Variants in ACTN4 observed in about 807,000 individuals in gnomAD.
ACTN4 encodes the protein alpha-actinin-4.
Under a neutral mutation model 114.2 loss-of-function variants are expected in ACTN4, and 18 were observed. The ratio of observed to expected loss-of-function variants is 0.16; its 90% CI spans 0.11 to 0.23. The LOEUF (loss-of-function observed/expected upper bound fraction) is 0.23, where lower values mean the gene tolerates loss of function less well. Among genes scored for constraint, ACTN4 ranks in the 10% least tolerant of loss-of-function variants. ACTN4 has a pLI of 1.00. For missense variants in ACTN4, 722 were observed against 1,262.9 expected (o/e 0.57, Z 6.49); for synonymous variants, 515 against 506.3 (o/e 1.02, Z -0.23).
intron 9 of ACTN4, among the ~76,000 whole-genome samples, chr19:38,716,107 G>A (rs935123800): frequency 2.0e-5 from 3 of 152,088 alleles, no homozygotes; most frequent in African/African-American, 7.2e-5. Context: ...GTTTCACCAT[G>A]TTGGTCAGGC....
intron 3 of ACTN4, among the ~76,000 whole-genome samples, chr19:38,702,412 C>T (rs865832333): frequency 3.9e-5 from 6 of 152,280 alleles, no homozygotes; most frequent in Middle Eastern, 6.8e-3. Flanking sequence ...ATTGGCTTCC[C>T]GTGGGGGTGA....
intron 9 of ACTN4, among the ~76,000 whole-genome samples, chr19:38,715,684 T>C (rs1968815584): frequency 6.6e-6 from 1 of 152,202 alleles, no homozygotes; most frequent in Admixed American, 6.5e-5. Flanking sequence ...CACTACCATC[T>C]GTTACCACCA....
chr19:38,666,169 G>GC (rs758408415), intron 1 of ACTN4, among the ~76,000 whole-genome samples: 116 of 149,266 alleles, frequency 7.8e-4, no homozygotes, highest in Admixed American at 1.4e-3. Context: ...TTCCTCCCGC[G>GC]CCCCCCCCTT....
chr19:38,664,800 G>A (rs1276876963), intron 1 of ACTN4, among the ~76,000 whole-genome samples: 2 of 152,150 alleles, frequency 1.3e-5, no homozygotes, highest in Non-Finnish European at 2.9e-5. Context: ...CCTCTTTTTT[G>A]AAAGGCATAG....
In ACTN4 at chr19:38,730,188, T is replaced by C. The variant is rs1969464584; in HGVS notation, c.*756T>C. The C allele has an allele frequency of 1.3e-5, 2 of 156,786 alleles. No homozygotes were observed. Among genetic ancestry groups the C allele is most frequent in the Non-Finnish European group, 2.8e-5 (2 of 70,722 alleles). The allele number at this position is 156,786 out of a possible 1,614,324, so 9.7% of individuals were successfully genotyped here. On this transcript the variant is annotated 3_prime_UTR_variant, in exon 21 of 21. Transcript: ENST00000252699. ...TATAAAAAAGAAAGAATTAAAAACT[T>C]TCAGAGAATTACTATTTACTTTATT...
intron 1 of ACTN4, among the ~76,000 whole-genome samples, chr19:38,670,915 C>T (rs1031017809): frequency 4.0e-5 from 6 of 149,192 alleles, no homozygotes; most frequent in Admixed American, 1.3e-4. Context: ...GAGCAATACT[C>T]CAACTTAAAA....
chr19:38,685,719 A>T (rs1967721242), intron 1 of ACTN4, among the ~76,000 whole-genome samples: 1 of 152,066 alleles, frequency 6.6e-6, no homozygotes, highest in Non-Finnish European at 1.5e-5. Flanking sequence ...AGATTTCCAG[A>T]CCAAGCCAGC....
chr19:38,673,535 AC>A (rs1967223763), intron 1 of ACTN4, among the ~76,000 whole-genome samples: 8 of 52,140 alleles, frequency 1.5e-4, no homozygotes, highest in East Asian at 6.1e-4. Context: ...ATTCATATAT[AC>A]TTATATATAT....
intron 1 of ACTN4, 137 bp from the exon 2 acceptor site, chr19:38,700,463 A>G: frequency 1.3e-6 from 1 of 744,662 alleles, no homozygotes; most frequent in Non-Finnish European, 2.4e-6. Context: ...TGTATCGGCC[A>G]TGTACGGTGT....
At position 38,661,011 on chromosome 19, in the gene ACTN4, G is replaced by A. The variant is rs943263332; in HGVS notation, c.162+13104G>A. ...AGAACCAAGAGAGCACCAGAGGAACGCGCTTCCAACAGAGAAAACCAAGCA... is the reference window on the plus strand; with the variant it reads ...AGAACCAAGAGAGCACCAGAGGAACACGCTTCCAACAGAGAAAACCAAGCA... On this transcript the variant is annotated intron_variant, in intron 1 of 20. Transcript: ENST00000252699. Among the ~76,000 whole-genome samples, 7 of 152,142 alleles carry A rather than the reference G, an allele frequency of 4.6e-5. No homozygotes were observed. In the South Asian group the frequency reaches 6.2e-4, roughly 14 times the overall value.
intron 17 of ACTN4, 138 bp downstream of exon 17, chr19:38,726,041 C>T: frequency 2.4e-6 from 3 of 1,240,200 alleles, no homozygotes; most frequent in Non-Finnish European, 3.4e-6. Flanking sequence ...AAGAGACCAG[C>T]ACTTTGGGAG....
At chr19:38,694,883 G>C (rs1968042045) in intron 1 of ACTN4, among the ~76,000 whole-genome samples, 1 of 151,990 alleles carries the variant, frequency 6.6e-6, no homozygotes, top group South Asian at 2.1e-4. Flanking sequence ...ATTTTGCGGG[G>C]GGGCGGGTTG....
At chr19:38,667,937 T>A (rs1446047773) in intron 1 of ACTN4, among the ~76,000 whole-genome samples, 2 of 152,194 alleles carry the variant, frequency 1.3e-5, no homozygotes, top group African/African-American at 4.8e-5. Flanking sequence ...AAGGCATTAA[T>A]GCAAAATATG....
rs1377220399 is a variant in ACTN4, at chr19:38,673,506, TGA to T, written c.162+25600_162+25601del. On this transcript the variant is annotated intron_variant, in intron 1 of 20. Transcript: ENST00000252699. Reference sequence around the variant, plus strand: ...ATATATTCATATATATTTATATATATGAATATATATTTATATATATTCATATA... The same window carrying T: ...ATATATTCATATATATTTATATATATATATATATTTATATATATTCATATA... Among the ~76,000 whole-genome samples, 41 of 86,620 alleles carry T rather than the reference TGA, an allele frequency of 4.7e-4. 1 individual carries two copies. Among genetic ancestry groups the T allele is most frequent in the African/African-American group, 1.5e-3 (36 of 24,796 alleles). 56.8% of individuals were successfully genotyped at this position (86,620 alleles called of 152,430 possible). A position where few individuals can be genotyped will look rare whatever the true frequency, so the allele number is the denominator to read the frequency against.
intron 11 of ACTN4, among the ~76,000 whole-genome samples, chr19:38,718,917 C>T (rs567138795): frequency 1.3e-5 from 2 of 152,346 alleles, no homozygotes; most frequent in East Asian, 3.9e-4. Context: ...TGCCGGACCA[C>T]AGCCAGTGCT....
intron 1 of ACTN4, among the ~76,000 whole-genome samples, chr19:38,670,720 T>G (rs368535420): frequency 6.6e-6 from 1 of 151,932 alleles, no homozygotes; most frequent in Non-Finnish European, 1.5e-5. Flanking sequence ...GTCAGGAGAT[T>G]GAGACCATCC....
chr19:38,721,423 T>G, intron 11 of ACTN4, 115 bp from the exon 12 acceptor site: 1 of 1,261,926 alleles, frequency 7.9e-7, no homozygotes, highest in Non-Finnish European at 1.1e-6. Context: ...GTCATTGGCA[T>G]GGAAGGATGT....
At chr19:38,699,526 G>A (rs1331284934) in intron 1 of ACTN4, among the ~76,000 whole-genome samples, 5 of 152,082 alleles carry the variant, frequency 3.3e-5, no homozygotes, top group East Asian at 1.9e-4. Flanking sequence ...AGACCGAGGC[G>A]GGTAGATCAC....
chr19:38,719,186 C>A (rs1299153201), intron 11 of ACTN4, among the ~76,000 whole-genome samples: 1 of 152,194 alleles, frequency 6.6e-6, no homozygotes, highest in Non-Finnish European at 1.5e-5. Flanking sequence ...GGTCTGGAAG[C>A]CTTCAGAAAG....
Sources: gnomAD v4.1 joint callset for allele counts (sites outside exome capture counted in the v4.1 genomes callset) on GRCh38, gnomAD v4.1.1 for gene constraint, MANE v1.5 for transcripts, NCBI Gene and HGNC (gene_info 2026-07-23, HGNC 2026-07-21) for gene names.